The following MLLT3 variants were observed in gnomAD, a reference collection of about 807,000 sequenced individuals.
MLLT3 encodes the protein MLLT3 super elongation complex subunit, also known as protein AF-9.
MLLT3 carries 4 observed loss-of-function variants against 53.2 expected under a neutral mutation model. That is an observed-to-expected ratio of 0.08 (90% CI 0.04 to 0.17). MLLT3 has a LOEUF of 0.17. Among genes scored for constraint, MLLT3 ranks in the 10% least tolerant of loss-of-function variants. The probability of loss-of-function intolerance (pLI) is 1.00; values close to 1 mark genes in which losing one functional copy is unlikely to be tolerated. For synonymous variants in MLLT3, 283 were observed against 230.6 expected (o/e 1.23, Z -2.06); for missense variants, 569 against 684.0 (o/e 0.83, Z 1.87).
At chr9:20,537,327 T>A (rs1016517870) in intron 2 of MLLT3, among the ~76,000 whole-genome samples, 1 of 152,242 alleles carries the variant, frequency 6.6e-6, no homozygotes, top group Non-Finnish European at 1.5e-5. Flanking sequence ...GGGGCAGAGT[T>A]ATTTTTTAAT....
At chr9:20,604,155 T>C (rs935665909) in intron 2 of MLLT3, among the ~76,000 whole-genome samples, 1 of 152,036 alleles carries the variant, frequency 6.6e-6, no homozygotes, top group Non-Finnish European at 1.5e-5. Flanking sequence ...TCTATAGCAA[T>C]AACGCAAACA....
At chr9:20,551,403 AT>A (rs1818922428) in intron 2 of MLLT3, among the ~76,000 whole-genome samples, 1 of 152,000 alleles carries the variant, frequency 6.6e-6, no homozygotes, top group Non-Finnish European at 1.5e-5. Context: ...GTGATGTTTC[AT>A]TTTCCCAACT....
chr9:20,481,030 G>C (rs1824649685), intron 2 of MLLT3, among the ~76,000 whole-genome samples: 3 of 152,236 alleles, frequency 2.0e-5, no homozygotes, highest in South Asian at 2.1e-4. Flanking sequence ...TTCATAGGAG[G>C]TATTTAAGAG....
intron 2 of MLLT3, among the ~76,000 whole-genome samples, chr9:20,550,017 GCTAA>G (rs1467675978): frequency 6.6e-6 from 1 of 152,116 alleles, no homozygotes; most frequent in African/African-American, 2.4e-5. Flanking sequence ...TACAAGAACT[GCTAA>G]CTAAGGAATT....
At chr9:20,392,258 C>G (rs759676189) in intron 5 of MLLT3, among the ~76,000 whole-genome samples, 15 of 152,292 alleles carry the variant, frequency 9.8e-5, no homozygotes, top group Middle Eastern at 3.4e-3. Context: ...TTGTAAGAAC[C>G]TTCAGGGTCC....
At chr9:20,375,574 A>G (rs575890082) in intron 5 of MLLT3, among the ~76,000 whole-genome samples, 1 of 151,036 alleles carries the variant, frequency 6.6e-6, no homozygotes, top group Non-Finnish European at 1.5e-5. Flanking sequence ...CTGGCTAGGA[A>G]CCTTGTTATT....
At chr9:20,357,704 C>A (rs928053667) in intron 8 of MLLT3, among the ~76,000 whole-genome samples, 3 of 152,116 alleles carry the variant, frequency 2.0e-5, no homozygotes, top group African/African-American at 7.2e-5. Context: ...ATATTTGACT[C>A]CATTAGTACT....
At chr9:20,371,774 G>C (rs1399342664) in intron 5 of MLLT3, among the ~76,000 whole-genome samples, 2 of 152,220 alleles carry the variant, frequency 1.3e-5, no homozygotes, top group African/African-American at 2.4e-5. Flanking sequence ...GAATCAAGAA[G>C]TAGTTTTGGC....
chr9:20,549,100 C>A (rs1818861948), intron 2 of MLLT3, among the ~76,000 whole-genome samples: 1 of 152,100 alleles, frequency 6.6e-6, no homozygotes, highest in African/African-American at 2.4e-5. Context: ...CAGGCATTAG[C>A]CATCACGCCC....
At chr9:20,545,096 C>CAAAA (rs60850984) in intron 2 of MLLT3, among the ~76,000 whole-genome samples, 9 of 48,080 alleles carry the variant, frequency 1.9e-4, no homozygotes, top group African/African-American at 3.2e-4. Context: ...CCTATCTCTA[C>CAAAA]AAAAAAAAAA....
At position 20,467,162 on chromosome 9, in the gene MLLT3, A is replaced by T. The variant is rs561468554; in HGVS notation, c.194-10376T>A. Among the ~76,000 whole-genome samples, 337 of 151,856 alleles carry T rather than the reference A, an allele frequency of 2.2e-3. 3 individuals are homozygous for T. Among genetic ancestry groups the T allele is most frequent in the African/African-American group, 7.8e-3 (323 of 41,430 alleles). On this transcript the variant is annotated intron_variant, in intron 2 of 10. Transcript: ENST00000380338. The stretch of plus-strand genomic sequence containing the variant: ...ATTGGCAAAGAGTTTTTTTTTTTCA[A>T]TTGAGACAAGCTCTCACTATGTTGT...
At chr9:20,432,922 G>C (rs1011488530) in intron 4 of MLLT3, among the ~76,000 whole-genome samples, 1 of 152,028 alleles carries the variant, frequency 6.6e-6, no homozygotes, top group Non-Finnish European at 1.5e-5. Flanking sequence ...TAATAAGTAT[G>C]TGCCTTTGAA....
intron 2 of MLLT3, among the ~76,000 whole-genome samples, chr9:20,581,036 A>G (rs985208758): frequency 3.9e-5 from 6 of 152,248 alleles, no homozygotes; most frequent in African/African-American, 7.2e-5. Context: ...CAAAATGACT[A>G]TGAACACACC....
chr9:20,451,131 C>T (rs1270780138), intron 3 of MLLT3, among the ~76,000 whole-genome samples: 1 of 152,160 alleles, frequency 6.6e-6, no homozygotes, highest in Non-Finnish European at 1.5e-5. Context: ...AGGCATATTG[C>T]TAACTGAATT....
At chr9:20,418,552 G>A (rs1353693925) in intron 4 of MLLT3, 4 of 152,228 alleles carry the variant, frequency 2.6e-5, no homozygotes, top group Admixed American at 1.3e-4. Flanking sequence ...ACGAGCTAAC[G>A]GGCGTCTTGA....
intron 2 of MLLT3, chr9:20,532,535 T>A: frequency 4.6e-6 from 1 of 217,610 alleles, no homozygotes; most frequent in Non-Finnish European, 9.0e-6. Context: ...TCTTGCTCTC[T>A]CCTTCCGCCA....
intron 2 of MLLT3, chr9:20,532,582 A>C (rs1169548391): frequency 8.2e-6 from 2 of 242,904 alleles, no homozygotes; most frequent in Non-Finnish European, 1.6e-5. Context: ...CAAGAGAAAG[A>C]AGGTGGCTCC....
chr9:20,399,691 T>C (rs1822406490), intron 5 of MLLT3, among the ~76,000 whole-genome samples: 1 of 152,056 alleles, frequency 6.6e-6, no homozygotes, highest in Non-Finnish European at 1.5e-5. Context: ...TTACGATGAC[T>C]AAAGTATAGG....
At chr9:20,425,308 C>T (rs767539458) in intron 4 of MLLT3, among the ~76,000 whole-genome samples, 4 of 152,114 alleles carry the variant, frequency 2.6e-5, no homozygotes, top group Non-Finnish European at 4.4e-5. Context: ...AAACTCTGGA[C>T]ATTCACCTTA....
Sources: gnomAD v4.1 joint callset for allele counts (sites outside exome capture counted in the v4.1 genomes callset) on GRCh38, gnomAD v4.1.1 for gene constraint, MANE v1.5 for transcripts, NCBI Gene and HGNC (gene_info 2026-07-23, HGNC 2026-07-21) for gene names.